The following DDX42 variants were observed in gnomAD, a reference collection of about 807,000 sequenced individuals.
The protein encoded by DDX42 is ATP-dependent RNA helicase DDX42.
In DDX42, 22 loss-of-function variants were observed where a neutral mutation model predicts 101.5. The observed-to-expected ratio is 0.22, with a 90% CI of 0.15 to 0.31. DDX42 has a LOEUF of 0.31. Among genes scored for constraint, DDX42 ranks in the 10% least tolerant of loss-of-function variants. The pLI is 1.00. For synonymous variants in DDX42, 402 were observed against 401.2 expected, an observed-to-expected ratio of 1.00 and a Z score of -0.02; for missense variants, 849 against 1,199.9, an observed-to-expected ratio of 0.71 and a Z score of 4.32.
At position 63,805,195 on chromosome 17, in the gene DDX42, A is replaced by T. The variant is rs777235173; in HGVS notation, c.726+20A>T. 4.4e-6 allele frequency: 7 copies of T among 1,604,848 alleles called. No individual in the cohort carries two copies. Among genetic ancestry groups the T allele is most frequent in the Non-Finnish European group, 5.9e-6 (7 of 1,177,308 alleles). On this transcript the variant is annotated intron_variant, in intron 7 of 17. Coordinates refer to ENST00000389924, the MANE Select transcript of DDX42 (RefSeq NM_203499.3). ...CTTCGGGTAAGCATCATTAAGCTCA[A>T]TATTCTTAATATTAATGTTAATTAG...
rs2039749155 is a variant in DDX42 at position 63,800,483 on chromosome 17, T to C, written c.487T>C (p.Tyr163His). The C allele has an allele frequency of 1.2e-6, 2 of 1,613,626 alleles. No individual in the cohort carries two copies. The highest frequency in any genetic ancestry group is 2.2e-5 in the East Asian group (1 of 44,872). Residue 163 changes from tyrosine (Y) to histidine (H), a missense_variant, in exon 6 of 18, where the codon TAC becomes CAC. By Grantham distance (83) the Tyr-to-His change is moderately conservative (BLOSUM62 2). This residue lies in a region of DDX42 where 370 missense variants were observed against 608.8 expected (regional missense o/e 0.61). Transcript: ENST00000389924. ...TTTCCTGCAGGAAGCTTATTTTCGA[T>C]ACATGGCAGAAAACCCAACTGCTGG... ...EEDDQEAYFR[Y>H]MAENPTAGVV...
intron 1 of DDX42, among the ~76,000 whole-genome samples, chr17:63,777,603 A>G (rs2039436837): frequency 6.6e-6 from 1 of 152,006 alleles, no homozygotes; most frequent in South Asian, 2.1e-4. Flanking sequence ...GCCCACCACC[A>G]CGCCTGGCTA....
intron 1 of DDX42, among the ~76,000 whole-genome samples, chr17:63,783,755 G>A (rs1364706975): frequency 6.6e-6 from 1 of 152,118 alleles, no homozygotes; most frequent in Non-Finnish European, 1.5e-5. Context: ...GATTGATGTA[G>A]TGTAATTCAA....
chr17:63,817,749 G>A lies in DDX42; in HGVS notation c.2168G>A (p.Ser723Asn). The change falls in exon 18 of 18, where the codon AGT becomes AAT. Residue 723 changes from serine to asparagine, a missense_variant. Around this residue, in one of 5 missense-constraint regions of DDX42, gnomAD observed 300 missense variants for 304.9 expected, o/e 0.98. Coordinates refer to ENST00000389924, the MANE Select transcript of DDX42 (RefSeq NM_203499.3). ...AASLSNQKAG[S>N]SAAGASGWTS... ...AGTTTAAGTAATCAGAAGGCTGGAA[G>A]TTCTGCTGCTGGGGCAAGTGGGTGG... The A allele has an allele frequency of 6.2e-7, 1 of 1,614,250 alleles. No homozygotes were observed. The highest frequency in any genetic ancestry group is 8.5e-7 in the Non-Finnish European group (1 of 1,180,046).
intron 3 of DDX42, among the ~76,000 whole-genome samples, chr17:63,794,611 G>A (rs184904497): frequency 6.6e-6 from 1 of 151,202 alleles, no homozygotes; most frequent in African/African-American, 2.4e-5. Flanking sequence ...CTTGAGGTTG[G>A]GCAGCATAGT....
At chr17:63,809,150 A>G (rs559965708) in intron 10 of DDX42, among the ~76,000 whole-genome samples, 89 of 152,352 alleles carry the variant, frequency 5.8e-4, no homozygotes, top group African/African-American at 1.9e-3. Context: ...GCTAGTAGCT[A>G]CAAATTCCCC....
intron 6 of DDX42, among the ~76,000 whole-genome samples, chr17:63,802,197 A>G (rs530484851): frequency 9.3e-4 from 142 of 152,348 alleles, no homozygotes; most frequent in African/African-American, 3.1e-3. Context: ...AGAAAAAAAA[A>G]GGCCAGTTTC....
chr17:63,815,838 G>T lies in DDX42; in HGVS notation c.2013+165G>T, dbSNP rs183459467. The T allele has an allele frequency of 2.5e-3, 988 of 387,954 alleles. 1 individual carries two copies. The highest frequency in any genetic ancestry group is 8.1e-3 in the Middle Eastern group (15 of 1,862). 24.0% of individuals were successfully genotyped at this position (387,954 alleles called of 1,614,324 possible). On this transcript the variant is annotated intron_variant, in intron 16 of 17. Coordinates refer to ENST00000389924, the MANE Select transcript of DDX42 (RefSeq NM_203499.3). ...GAGTCAATGCAGTGCTCATTCTTAT[G>T]GTAACTTTCTATTGAAGAAGCATCT...
At chr17:63,786,955 C>T (rs900765986) in intron 1 of DDX42, 79 bp from the exon 2 acceptor site, 16 of 1,442,836 alleles carry the variant, frequency 1.1e-5, no homozygotes, top group African/African-American at 7.0e-5. Context: ...GGATTACAGG[C>T]GTGACCCACC....
chr17:63,777,342 T>A (rs994614574), intron 1 of DDX42, among the ~76,000 whole-genome samples: 9 of 152,202 alleles, frequency 5.9e-5, no homozygotes, highest in Non-Finnish European at 1.2e-4. Flanking sequence ...ATTGAAAACA[T>A]GCTATAAGAG....
In DDX42 at chr17:63,787,206, C is replaced by G; in HGVS notation, c.157C>G (p.Pro53Ala). ...SSSSGFGKSA[P>A]PQLPSFYKIG... is the part of the protein sequence containing the mutation. Reference sequence around the variant, plus strand: ...TTCTTCTGGATTTGGAAAGTCAGCTCCACCACAGCTTCCTTCTTTCTACAA... The same window carrying G: ...TTCTTCTGGATTTGGAAAGTCAGCTGCACCACAGCTTCCTTCTTTCTACAA... The change falls in exon 2 of 18, where the codon CCA becomes GCA. Residue 53 changes from proline (P) to alanine (A), a missense_variant. By Grantham distance (27) the Pro-to-Ala change is conservative (BLOSUM62 -1). Around this residue, in one of 5 missense-constraint regions of DDX42, gnomAD observed 92 missense variants for 106.7 expected, o/e 0.86. Coordinates refer to ENST00000389924, the MANE Select transcript of DDX42 (RefSeq NM_203499.3). 1.2e-6 allele frequency: 2 copies of G among 1,614,190 alleles called. No individual in the cohort carries two copies. Among genetic ancestry groups the G allele is most frequent in the Non-Finnish European group, 1.7e-6 (2 of 1,180,042 alleles).
chr17:63,815,765 G>A (rs2039969828), intron 16 of DDX42, 92 bp downstream of exon 16: 1 of 871,930 alleles, frequency 1.1e-6, no homozygotes, highest in African/African-American at 1.7e-5. Flanking sequence ...GAAAGCCTCA[G>A]TGAGTTTAAA....
At position 63,807,713 on chromosome 17, in the gene DDX42, T is replaced by G; in HGVS notation, c.847-11T>G. On this transcript the variant is annotated splice_polypyrimidine_tract_variant and intron_variant, in intron 8 of 17. Coordinates refer to ENST00000389924, the MANE Select transcript of DDX42 (RefSeq NM_203499.3). ...AAATTTTAGAGTGGTTATATTTTAC[T>G]TTTTCTCCAGGGTGTGCCTGTGGCA... is the stretch of plus-strand genomic sequence containing the variant. The G allele has an allele frequency of 6.2e-7, 1 of 1,605,206 alleles. No individual in the cohort carries two copies. The highest frequency in any genetic ancestry group is 8.5e-7 in the Non-Finnish European group (1 of 1,176,218).
rs1327182612 is a variant in DDX42, at chr17:63,774,246, C to CGGCGGTGGTGGT, written c.-142_-141insTGGTGGTGGCGG. The stretch of plus-strand genomic sequence containing the variant: ...GTGGCGGCGGCGGTGGTGGTGGTGG[C>CGGCGGTGGTGGT]GGCGGCGGCGGCGAAGGGGGCGGAG... On this transcript the variant is annotated 5_prime_UTR_variant, in exon 1 of 18. Coordinates refer to ENST00000389924, the MANE Select transcript of DDX42 (RefSeq NM_203499.3). 7.5e-6 allele frequency: 1 copy of CGGCGGTGGTGGT among 133,860 alleles called. No homozygotes were observed. The highest frequency in any genetic ancestry group is 1.1e-5 in the Non-Finnish European group (1 of 88,766). The allele number at this position is 133,860 out of a possible 1,614,324, so 8.3% of individuals were successfully genotyped here. A position where few individuals can be genotyped will look rare whatever the true frequency, so the allele number is the denominator to read the frequency against.
intron 15 of DDX42, 33 bp downstream of exon 15, chr17:63,813,487 G>T (rs764508342): frequency 1.8e-5 from 28 of 1,587,100 alleles, no homozygotes; most frequent in Non-Finnish European, 4.3e-6. Context: ...AATTGCTCCT[G>T]GTTATAAGAC....
At chr17:63,797,775 T>C (rs2039711770) in intron 3 of DDX42, among the ~76,000 whole-genome samples, 1 of 152,246 alleles carries the variant, frequency 6.6e-6, no homozygotes, top group African/African-American at 2.4e-5. Context: ...TAAGGTTATG[T>C]ATTTGTGAAG....
At chr17:63,777,019 G>A (rs910510584) in intron 1 of DDX42, among the ~76,000 whole-genome samples, 1 of 152,120 alleles carries the variant, frequency 6.6e-6, no homozygotes, top group Non-Finnish European at 1.5e-5. Flanking sequence ...CAATCCTCTT[G>A]CCTCAGCCTC....
chr17:63,809,110 C>G (rs1431053058), intron 10 of DDX42, among the ~76,000 whole-genome samples, 162 bp downstream of exon 10: 1 of 152,154 alleles, frequency 6.6e-6, no homozygotes, highest in African/African-American at 2.4e-5. Flanking sequence ...GCTAAATTAG[C>G]AGTTCAGTGA....
intron 6 of DDX42, among the ~76,000 whole-genome samples, chr17:63,802,033 A>G (rs943975364): frequency 6.6e-6 from 1 of 152,204 alleles, no homozygotes; most frequent in Admixed American, 6.5e-5. Flanking sequence ...TCATTATACC[A>G]AGATTGTTTT....
Sources: allele counts gnomAD v4.1 joint callset (sites outside exome capture counted in the v4.1 genomes callset), GRCh38; gene constraint gnomAD v4.1.1; regional missense constraint gnomAD v4.1.1; transcripts MANE v1.5; gene names NCBI Gene and HGNC (gene_info 2026-07-23, HGNC 2026-07-21).